The following EPHA2 variants were observed in gnomAD, a reference collection of about 807,000 sequenced individuals.
The protein encoded by EPHA2 is EPH receptor A2.
A neutral mutation model predicts 104.9 loss-of-function variants in EPHA2; 54 were observed. The observed-to-expected ratio is 0.51, with a 90% confidence interval of 0.41 to 0.65. The LOEUF is 0.65. Ranked by LOEUF, EPHA2 falls within the 30% of genes least tolerant of loss-of-function variation. The probability of loss-of-function intolerance (pLI) is 0.00; values close to 1 mark genes in which losing one functional copy is unlikely to be tolerated. For synonymous variants in EPHA2, 560 were observed against 559.1 expected (o/e 1.00, Z -0.02); for missense variants, 1,117 against 1,369.5 (o/e 0.82, Z 2.91).
chr1:16,148,264 A>T lies in EPHA2; in HGVS notation c.823+114T>A. On this transcript the variant is annotated intron_variant, in intron 3 of 16. Coordinates refer to ENST00000358432, the MANE Select transcript of EPHA2 (RefSeq NM_004431.5). The surrounding 1 kb of genome is among the most constrained non-coding windows in gnomAD (Gnocchi z 4.9). ...AGGATCTATAATTTCCACTAACAGA[A>T]CTAATGTGTGTCAAAGCAGGGATGA... is the stretch of plus-strand genomic sequence containing the variant. The T allele has an allele frequency of 7.6e-7, 1 of 1,324,468 alleles. No homozygotes were observed. Among genetic ancestry groups the T allele is most frequent in the Non-Finnish European group, 1.1e-6 (1 of 929,594 alleles). 82.0% of individuals were successfully genotyped at this position (1,324,468 alleles called of 1,614,324 possible).
intron 3 of EPHA2, among the ~76,000 whole-genome samples, chr1:16,139,562 AAGCTAAC>A (rs1239773737): frequency 2.6e-5 from 4 of 152,188 alleles, no homozygotes; most frequent in African/African-American, 9.7e-5. Flanking sequence ...GGGAGGAAAC[AAGCTAAC>A]AGCTAAGGGG....
rs772907047 is a variant in EPHA2, at chr1:16,129,579, G to A, written c.2680C>T (p.Arg894Trp). The change falls in exon 16 of 17, where the codon CGG (arginine) becomes TGG (tryptophan). Residue 894 changes from arginine (R) to tryptophan (W), a missense_variant. Physicochemically the swap from Arg to Trp is moderately radical, Grantham distance 101. Coordinates refer to ENST00000358432, the MANE Select transcript of EPHA2 (RefSeq NM_004431.5). ...LADFDPRVSI[R>W]LPSTSGSEGV... The stretch of plus-strand genomic sequence containing the variant: ...TCCGAGCCGCTCGTGCTGGGGAGCC[G>A]GATAGACACGCTGCAACAGGAAGCA... The A allele has an allele frequency of 2.0e-5, 32 of 1,610,614 alleles. No individual in the cohort carries two copies. Among genetic ancestry groups the A allele is most frequent in the Non-Finnish European group, 2.5e-5 (29 of 1,179,562 alleles).
rs745939420 is a variant in EPHA2, at chr1:16,135,731, G to A, written c.1352C>T (p.Ser451Leu). 6.8e-6 allele frequency: 11 copies of A among 1,613,360 alleles called. No homozygotes were observed. Among genetic ancestry groups the A allele is most frequent in the Admixed American group, 1.7e-5 (1 of 60,000 alleles). ...GGGGATGCTCCAGGAGACGCTAAGC[G>A]AGGTGGTGCTGCGGCCCTCCAGCCT... ...KVRLEGRSTTSLSVSWSIPPP... is the reference protein window; with the variant it reads ...KVRLEGRSTTLLSVSWSIPPP... Residue 451 changes from serine (S) to leucine (L), a missense_variant, in exon 6 of 17, where the codon TCG (serine) becomes TTG (leucine). This residue lies in a region of EPHA2 where 664 missense variants were observed against 784.8 expected (regional missense o/e 0.85). Transcript: ENST00000358432. This position sits in a 1 kb window ranked among gnomAD's most constrained non-coding sequence, Gnocchi z 4.3.
At position 16,150,926 on chromosome 1, in the gene EPHA2, G is replaced by A. The variant is rs55783302; in HGVS notation, c.123C>T (p.Leu41=). ...LLDFAAAGGE[L]GWLTHPYGKG... is the part of the protein sequence containing the mutation. ...TGCCATACGGGTGTGTGAGCCAGCC[G>A]AGCTCCCCTCCAGCTGCAGCAAAGT... is the stretch of plus-strand genomic sequence containing the variant. Residue 41 remains leucine, a synonymous_variant, in exon 2 of 17, where the codon CTC becomes CTT. Transcript: ENST00000358432. This position sits in a 1 kb window ranked among gnomAD's most constrained non-coding sequence, Gnocchi z 4.8. The A allele has an allele frequency of 1.2e-6, 2 of 1,614,096 alleles. No homozygotes were observed. Among genetic ancestry groups the A allele is most frequent in the East Asian group, 2.2e-5 (1 of 44,882 alleles).
At position 16,135,186 on chromosome 1, in the gene EPHA2, C is replaced by G; in HGVS notation, c.1432G>C (p.Asp478His). Residue 478 changes from aspartate (D) to histidine (H), a missense_variant, in exon 7 of 17, where the codon GAC becomes CAC. Coordinates refer to ENST00000358432, the MANE Select transcript of EPHA2 (RefSeq NM_004431.5). This position sits in a 1 kb window ranked among gnomAD's most constrained non-coding sequence, Gnocchi z 4.3. ...CGGCGCACATTGTAGCTGTTGGAGT[C>G]TCCCTGTGGGTGGGTGGCCGGCGGA... is the stretch of plus-strand genomic sequence containing the variant. ...KYEVTYRKKG[D>H]SNSYNVRRTE... 1 of 1,613,740 alleles carries G rather than the reference C, an allele frequency of 6.2e-7. No homozygotes were observed. Among genetic ancestry groups the G allele is most frequent in the Non-Finnish European group, 8.5e-7 (1 of 1,179,924 alleles).
Position 16,138,154 on chromosome 1 carries a change from G to A in EPHA2, c.1011C>T (p.Ala337=), listed in dbSNP as rs138203507. Residue 337 remains alanine (A), a synonymous_variant, in exon 5 of 17, where the codon GCC becomes GCT. Coordinates refer to ENST00000358432, the MANE Select transcript of EPHA2 (RefSeq NM_004431.5). ...GCTCCACCTTGGCACCCATGCCCAC[G>A]GCTGTGAGGTAGTGTGGGGCGGAGG... ...RPPSAPHYLT[A]VGMGAKVELR... 9.9e-6 allele frequency: 16 copies of A among 1,609,108 alleles called. No homozygotes were observed. The highest frequency in any genetic ancestry group is 1.7e-5 in the Admixed American group (1 of 60,010).
At chr1:16,133,973 A>C in intron 8 of EPHA2, 58 bp from the exon 9 acceptor site, 2 of 1,531,352 alleles carry the variant, frequency 1.3e-6, no homozygotes, top group Non-Finnish European at 1.8e-6. Flanking sequence ...TGCTCCGGCC[A>C]GGGAAGCCTC....
In EPHA2 at chr1:16,150,972, G is replaced by C. The variant is rs138164293; in HGVS notation, c.86-9C>G. On this transcript the variant is annotated splice_polypyrimidine_tract_variant and intron_variant, in intron 1 of 16. Coordinates refer to ENST00000358432, the MANE Select transcript of EPHA2 (RefSeq NM_004431.5). The surrounding 1 kb of genome is among the most constrained non-coding windows in gnomAD (Gnocchi z 4.8). Reference sequence around the variant, plus strand: ...AAAGTCCAGCAGTACCACTGAAAGGGAGAAGGGAGAGGGGGTGAGCCTGGG... The same window carrying C: ...AAAGTCCAGCAGTACCACTGAAAGGCAGAAGGGAGAGGGGGTGAGCCTGGG... The C allele has an allele frequency of 1.2e-6, 2 of 1,614,062 alleles. No individual in the cohort carries two copies. The highest frequency in any genetic ancestry group is 1.7e-6 in the Non-Finnish European group (2 of 1,180,006).
Position 16,133,362 on chromosome 1 carries a change from A to G in EPHA2, c.1871T>C (p.Phe624Ser). ...CAGCATGCCCTTGTACACCTCCCCAAACTCTCCTGTGGGCAGACAGGGTCA... is the reference window on the plus strand; with the variant it reads ...CAGCATGCCCTTGTACACCTCCCCAGACTCTCCTGTGGGCAGACAGGGTCA... Reference protein sequence around the residue: ...TRQKVIGAGEFGEVYKGMLKT... With the variant: ...TRQKVIGAGESGEVYKGMLKT... The change falls in exon 11 of 17, where the codon TTT (phenylalanine) becomes TCT (serine). Residue 624 changes from phenylalanine (F) to serine (S), a missense_variant. Physicochemically the swap from Phe to Ser is radical, Grantham distance 155. Transcript: ENST00000358432. 2 of 1,613,802 alleles carry G rather than the reference A, an allele frequency of 1.2e-6. No homozygotes were observed. The highest frequency in any genetic ancestry group is 1.7e-6 in the Non-Finnish European group (2 of 1,179,960).
chr1:16,155,762 T>C (rs1055445815), intron 1 of EPHA2, 86 bp downstream of exon 1: 2 of 1,117,700 alleles, frequency 1.8e-6, no homozygotes, highest in Non-Finnish European at 2.3e-6. Flanking sequence ...CCAGGTAGGT[T>C]CCAAAGTTGC....
chr1:16,133,255 A>C lies in EPHA2; in HGVS notation c.1978T>G (p.Phe660Val), dbSNP rs864309699. Residue 660 changes from phenylalanine (F) to valine (V), a missense_variant, in exon 11 of 17, where the codon TTC (phenylalanine) becomes GTC (valine). Transcript: ENST00000358432. ...AGYTEKQRVD[F>V]LGEAGIMGQF... ...CCCATGATGCCGGCCTCGCCGAGGA[A>C]GTCCACTCGCTGCTTCTCTGTGTAG... The C allele has an allele frequency of 4.3e-6, 7 of 1,613,836 alleles. No homozygotes were observed. Among genetic ancestry groups the C allele is most frequent in the Non-Finnish European group, 5.9e-6 (7 of 1,179,888 alleles).
At position 16,134,058 on chromosome 1, in the gene EPHA2, TC is replaced by T; in HGVS notation, c.1683-144del. The T allele has an allele frequency of 1.2e-6, 1 of 829,644 alleles. No homozygotes were observed. The highest frequency in any genetic ancestry group is 1.9e-6 in the Non-Finnish European group (1 of 540,482). 51.4% of individuals were successfully genotyped at this position (829,644 alleles called of 1,614,324 possible). ...CAGTCCCCGCTTTTGCTGCCCAAGC[TC>T]CACTCTCAGGGCCGAGGGTGCGGAG... On this transcript the variant is annotated intron_variant, in intron 8 of 16. Transcript: ENST00000358432. This position sits in a 1 kb window ranked among gnomAD's most constrained non-coding sequence, Gnocchi z 4.5.
chr1:16,130,090 G>T lies in EPHA2; in HGVS notation c.2669+136C>A. On this transcript the variant is annotated intron_variant, in intron 15 of 16. Coordinates refer to ENST00000358432, the MANE Select transcript of EPHA2 (RefSeq NM_004431.5). This position sits in a 1 kb window ranked among gnomAD's most constrained non-coding sequence, Gnocchi z 4.5. ...TCCTGGGCCATCGTGTCCAGTCTAA[G>T]TCAAGTCCACACATAACCTCTTAGC... 1 of 1,211,116 alleles carries T rather than the reference G, an allele frequency of 8.3e-7. No homozygotes were observed. Among genetic ancestry groups the T allele is most frequent in the Non-Finnish European group, 1.2e-6 (1 of 846,750 alleles). The allele number at this position is 1,211,116 out of a possible 1,614,324, so 75.0% of individuals were successfully genotyped here.
rs763114831 is a variant in EPHA2, at chr1:16,138,066, C to T, written c.1099G>A (p.Glu367Lys). The change falls in exon 5 of 17, where the codon GAA (glutamate) becomes AAA (lysine). Residue 367 changes from glutamate (E) to lysine (K), a missense_variant. Transcript: ENST00000358432. ...TCCCCAGACTCGGGCCAGCACTGTT[C>T]GCAGGTGACGCTGTAGACAATGTCC... ...REDIVYSVTC[E>K]QCWPESGECG... The T allele has an allele frequency of 3.1e-6, 5 of 1,612,696 alleles. No homozygotes were observed. The highest frequency in any genetic ancestry group is 1.3e-5 in the African/African-American group (1 of 75,076).
chr1:16,154,253 G>A (rs2124277385), intron 1 of EPHA2, among the ~76,000 whole-genome samples: 1 of 152,214 alleles, frequency 6.6e-6, no homozygotes, highest in Admixed American at 6.5e-5. Flanking sequence ...CGTTGGTGGG[G>A]CGGATATTGA....
intron 16 of EPHA2, 86 bp downstream of exon 16, chr1:16,129,348 C>CCCCT: frequency 6.8e-7 from 1 of 1,475,114 alleles, no homozygotes. Flanking sequence ...CATTGAGGGG[C>CCCCT]AGGGAAGAGG....
intron 3 of EPHA2, among the ~76,000 whole-genome samples, chr1:16,141,279 G>A (rs1292874988): frequency 6.6e-6 from 1 of 152,104 alleles, no homozygotes; most frequent in African/African-American, 2.4e-5. Context: ...CCAGCCCAGG[G>A]GGGTTGGTTG....
At position 16,134,618 on chromosome 1, in the gene EPHA2, CA is replaced by C; in HGVS notation, c.1583-52del. 1 of 1,582,736 alleles carries C rather than the reference CA, an allele frequency of 6.3e-7. No individual in the cohort carries two copies. The highest frequency in any genetic ancestry group is 8.6e-7 in the Non-Finnish European group (1 of 1,158,168). ...AAGGGAGTTCCCCCACAAATTACAG[CA>C]ACACCCGCGCTGCACCCAAGACACC... is the stretch of plus-strand genomic sequence containing the variant. On this transcript the variant is annotated intron_variant, in intron 7 of 16. Transcript: ENST00000358432. The surrounding 1 kb of genome is among the most constrained non-coding windows in gnomAD (Gnocchi z 4.5).
Position 16,131,942 on chromosome 1 carries a change from C to A in EPHA2, c.2326-72G>T. ...CCAGGACCATTGCAGCCAAGCCCCA[C>A]GACCCCTCCCTGGACTCCTACAGGT... On this transcript the variant is annotated intron_variant, in intron 13 of 16. Coordinates refer to ENST00000358432, the MANE Select transcript of EPHA2 (RefSeq NM_004431.5). This position sits in a 1 kb window ranked among gnomAD's most constrained non-coding sequence, Gnocchi z 5.2. The A allele has an allele frequency of 6.3e-7, 1 of 1,598,638 alleles. No homozygotes were observed. The highest frequency in any genetic ancestry group is 8.5e-7 in the Non-Finnish European group (1 of 1,171,738).
Sources: gnomAD v4.1 joint callset for allele counts (sites outside exome capture counted in the v4.1 genomes callset) on GRCh38, gnomAD v4.1.1 for gene constraint, gnomAD v4.1.1 regional missense constraint, Gnocchi (gnomAD v3.1) non-coding constraint, MANE v1.5 for transcripts, NCBI Gene and HGNC (gene_info 2026-07-23, HGNC 2026-07-21) for gene names.